Variants in CTDP1 observed in about 807,000 individuals in gnomAD.
The protein encoded by CTDP1 is RNA polymerase II subunit A C-terminal domain phosphatase.
Under a neutral mutation model 91.8 loss-of-function variants are expected in CTDP1, and 47 were observed. That is an observed-to-expected ratio of 0.51 (90% confidence interval 0.41 to 0.65). The LOEUF is 0.65. Among genes scored for constraint, CTDP1 ranks in the 30% least tolerant of loss-of-function variants. The probability of loss-of-function intolerance (pLI) is 0.00; values close to 1 mark genes in which losing one functional copy is unlikely to be tolerated. For synonymous variants in CTDP1, 656 were observed against 598.5 expected (o/e 1.10, Z -1.40); for missense variants, 1,272 against 1,373.7 (o/e 0.93, Z 1.17).
chr18:79,708,808 A>G (rs1242607642), intron 5 of CTDP1, among the ~76,000 whole-genome samples: 1 of 152,252 alleles, frequency 6.6e-6, no homozygotes, highest in Non-Finnish European at 1.5e-5. Context: ...CAGGCCAGAT[A>G]GAGGTTGTGT....
At position 79,717,935 on chromosome 18, in the gene CTDP1, G is replaced by A; in HGVS notation, c.2336G>A (p.Gly779Glu). ...GTTCGGATCTACGACTCCAACACGG[G>A]GAAGCTCATCAGGACGGGCGCCCGG... Reference protein sequence around the residue: ...PEVRIYDSNTGKLIRTGARGP... With the variant: ...PEVRIYDSNTEKLIRTGARGP... Residue 779 changes from glycine (G) to glutamate (E), a missense_variant, in exon 10 of 13, where the codon GGG (glycine) becomes GAG (glutamate). Physicochemically the swap from Gly to Glu is moderately conservative, Grantham distance 98 (BLOSUM62 -2). Coordinates refer to ENST00000613122, the MANE Select transcript of CTDP1 (RefSeq NM_004715.5). 6.2e-7 allele frequency: 1 copy of A among 1,613,588 alleles called. No homozygotes were observed. Among genetic ancestry groups the A allele is most frequent in the Non-Finnish European group, 8.5e-7 (1 of 1,180,000 alleles).
chr18:79,706,472 C>A (rs1339278461), intron 5 of CTDP1, among the ~76,000 whole-genome samples: 2 of 152,180 alleles, frequency 1.3e-5, no homozygotes, highest in African/African-American at 4.8e-5. Flanking sequence ...GCATCACTCT[C>A]ACAATAACAA....
chr18:79,726,515 G>T (rs945494811), intron 10 of CTDP1, among the ~76,000 whole-genome samples: 1 of 152,032 alleles, frequency 6.6e-6, no homozygotes, highest in Non-Finnish European at 1.5e-5. Context: ...GGTTCTTGCT[G>T]TGGCAAGTGA....
rs148231839 is a variant in CTDP1 at position 79,719,194 on chromosome 18, A to G, written c.2417+1178A>G. ...TCCTCCCCGGTTTTCTGTTTCATAG[A>G]TTGTGTTTTGTCTTTTACGATTCTG... is the stretch of plus-strand genomic sequence containing the variant. On this transcript the variant is annotated intron_variant, in intron 10 of 12. Transcript: ENST00000613122. Among the ~76,000 whole-genome samples the G allele has an allele frequency of 4.4e-3, 675 of 152,122 alleles. 3 individuals carry two copies. Among genetic ancestry groups the G allele is most frequent in the African/African-American group, 0.015 (608 of 41,482 alleles).
chr18:79,733,569 C>T lies in CTDP1; in HGVS notation c.2581-2786C>T, dbSNP rs114508864. On this transcript the variant is annotated intron_variant, in intron 11 of 12. Coordinates refer to ENST00000613122, the MANE Select transcript of CTDP1 (RefSeq NM_004715.5). ...TCTGCTGGGCCCCAAAGCCGGCGTC[C>T]GCTGCCTCTCCAGCTGCGTTACCTC... is the stretch of plus-strand genomic sequence containing the variant. Among the ~76,000 whole-genome samples the T allele has an allele frequency of 5.6e-3, 844 of 151,950 alleles. 6 individuals carry two copies. Among genetic ancestry groups the T allele is most frequent in the African/African-American group, 0.019 (791 of 41,518 alleles).
chr18:79,742,821 G>A (rs749488001), intron 12 of CTDP1, among the ~76,000 whole-genome samples: 70 of 152,150 alleles, frequency 4.6e-4, no homozygotes, highest in Non-Finnish European at 7.5e-4. Context: ...AGCTGGGCAT[G>A]GTGGTGCACG....
At chr18:79,704,623 G>T in intron 4 of CTDP1, 144 bp from the exon 5 acceptor site, 1 of 1,056,892 alleles carries the variant, frequency 9.5e-7, no homozygotes, top group South Asian at 1.3e-5. Flanking sequence ...TCTTCAGGAC[G>T]CCTGTCGGGC....
At chr18:79,747,752 G>A (rs187169223) in intron 12 of CTDP1, among the ~76,000 whole-genome samples, 1 of 152,342 alleles carries the variant, frequency 6.6e-6, no homozygotes, top group East Asian at 1.9e-4. Context: ...TAGTGACGTG[G>A]CGGCCTCACG....
Position 79,715,032 on chromosome 18 carries a change from G to A in CTDP1, c.1572G>A (p.Pro524=), listed in dbSNP as rs374274346. Residue 524 remains proline, a synonymous_variant, in exon 8 of 13, where the codon CCG becomes CCA. Coordinates refer to ENST00000613122, the MANE Select transcript of CTDP1 (RefSeq NM_004715.5). ...PGEAEPGAHA[P]DKEPELGGQE... The stretch of plus-strand genomic sequence containing the variant: ...AGGCCGAGCCTGGCGCGCATGCCCC[G>A]GACAAGGAGCCTGAGCTGGGTGGGC... The A allele has an allele frequency of 3.8e-5, 61 of 1,605,290 alleles. No homozygotes were observed. In the African/African-American group the frequency reaches 5.6e-4, roughly 15 times the overall value.
chr18:79,750,485 G>A (rs1057158339), intron 12 of CTDP1, among the ~76,000 whole-genome samples: 4 of 151,028 alleles, frequency 2.6e-5, no homozygotes, highest in East Asian at 3.9e-4. Flanking sequence ...TGCACTTCCC[G>A]CTACTCTGCC....
Position 79,679,979 on chromosome 18 carries a change from C to T in CTDP1, c.32C>T (p.Ala11Val), listed in dbSNP as rs1159791864. The change falls in exon 1 of 13, where the codon GCC becomes GTC. Residue 11 changes from alanine to valine, a missense_variant. This residue lies in a region of CTDP1 where 214 missense variants were observed against 179.1 expected (regional missense o/e 1.19). Coordinates refer to ENST00000613122, the MANE Select transcript of CTDP1 (RefSeq NM_004715.5). MEVPAAGRVP[A>V]EGAPTAAVAE... ...GTGCCGGCCGCGGGTCGCGTTCCTG[C>T]CGAGGGCGCCCCGACGGCGGCTGTG... 3.0e-6 allele frequency: 4 copies of T among 1,354,876 alleles called. No individual in the cohort carries two copies. The East Asian group carries it at 9.9e-5, about 33-fold the overall frequency. 83.9% of individuals were successfully genotyped at this position (1,354,876 alleles called of 1,614,324 possible). A position where few individuals can be genotyped will look rare whatever the true frequency, so the allele number is the denominator to read the frequency against.
rs149465028 is a variant in CTDP1, at chr18:79,738,403, G to A, written c.2747+1882G>A. Among the ~76,000 whole-genome samples, 204 of 152,316 alleles carry A rather than the reference G, an allele frequency of 1.3e-3. 1 individual carries two copies. Among genetic ancestry groups the A allele is most frequent in the East Asian group, 7.5e-3 (39 of 5,178 alleles). ...GCCTTCTTGCATCTGCTGCGGGGCC[G>A]TGGGCCGGTATTTGGACCTCTGCAT... On this transcript the variant is annotated intron_variant, in intron 12 of 12. Transcript: ENST00000613122.
chr18:79,707,390 C>T (rs749203931), intron 5 of CTDP1, among the ~76,000 whole-genome samples: 1 of 152,222 alleles, frequency 6.6e-6, no homozygotes, highest in Non-Finnish European at 1.5e-5. Flanking sequence ...ATCCGCAGGC[C>T]TCTGAGCCGC....
At chr18:79,738,136 G>T (rs919506629) in intron 12 of CTDP1, among the ~76,000 whole-genome samples, 21 of 152,210 alleles carry the variant, frequency 1.4e-4, no homozygotes, top group African/African-American at 4.8e-4. Context: ...CTGAGAAAGC[G>T]TCTGTCCTGT....
At chr18:79,748,986 G>T (rs1159090430) in intron 12 of CTDP1, among the ~76,000 whole-genome samples, 2 of 152,248 alleles carry the variant, frequency 1.3e-5, no homozygotes, top group Admixed American at 1.3e-4. Flanking sequence ...GGTCCCTTCC[G>T]TGGGCTCGGT....
At chr18:79,695,840 C>T (rs1599212816) in intron 2 of CTDP1, 137 bp from the exon 3 acceptor site, 6 of 757,854 alleles carry the variant, frequency 7.9e-6, no homozygotes, top group Middle Eastern at 2.3e-4. Context: ...CCACGTTTGC[C>T]GACAGAATCA....
At chr18:79,679,311 C>T (rs912275334), upstream of CTDP1, 3 of 423,540 alleles carry the variant, frequency 7.1e-6, no homozygotes, top group Admixed American at 4.9e-5. Context: ...GCGGGGCCAC[C>T]AGGACGCCGA....
At chr18:79,706,230 A>C (rs2085964733) in intron 5 of CTDP1, among the ~76,000 whole-genome samples, 1 of 152,184 alleles carries the variant, frequency 6.6e-6, no homozygotes, top group African/African-American at 2.4e-5. Flanking sequence ...CGGCCTCCAG[A>C]ACTGTGAGGA....
intron 11 of CTDP1, among the ~76,000 whole-genome samples, chr18:79,731,714 A>G (rs749750155): frequency 6.6e-6 from 1 of 152,250 alleles, no homozygotes; most frequent in Non-Finnish European, 1.5e-5. Flanking sequence ...CCTGAAAGCC[A>G]TGAAAATTAA....
Sources: gnomAD v4.1 joint callset for allele counts (sites outside exome capture counted in the v4.1 genomes callset) on GRCh38, gnomAD v4.1.1 for gene constraint, gnomAD v4.1.1 regional missense constraint, MANE v1.5 for transcripts, NCBI Gene and HGNC (gene_info 2026-07-23, HGNC 2026-07-21) for gene names.